The following CLEC10A variants were observed in gnomAD, a reference collection of about 807,000 sequenced individuals.
The protein encoded by CLEC10A is C-type lectin domain family 10 member A.
A neutral mutation model predicts 42.0 loss-of-function variants in CLEC10A; 38 were observed. That is an observed-to-expected ratio of 0.90 (90% CI 0.70 to 1.18). The LOEUF is 1.18. CLEC10A is among the 50% of genes most tolerant of loss of function. The pLI, the probability that CLEC10A is intolerant of heterozygous loss-of-function variation, is 0.00. For synonymous variants in CLEC10A, 126 were observed against 139.9 expected, an observed-to-expected ratio of 0.90 and a Z score of 0.70; for missense variants, 298 against 345.9, an observed-to-expected ratio of 0.86 and a Z score of 1.10.
At chr17:7,079,420 T>C (rs1486998012) in intron 1 of CLEC10A, among the ~76,000 whole-genome samples, 7 of 151,956 alleles carry the variant, frequency 4.6e-5, no homozygotes, top group Non-Finnish European at 8.8e-5. Context: ...CCATCTCTAC[T>C]AAAAATACAA....
At position 7,074,863 on chromosome 17, in the gene CLEC10A, G is replaced by T; in HGVS notation, c.*191C>A. 1 of 420,098 alleles carries T rather than the reference G, an allele frequency of 2.4e-6. No individual in the cohort carries two copies. The highest frequency in any genetic ancestry group is 4.1e-6 in the Non-Finnish European group (1 of 244,832). 26.0% of individuals were successfully genotyped at this position (420,098 alleles called of 1,614,324 possible). ...TTCATGAAGTTGACTTTCAAAAGTT[G>T]GAAAAAAAATAAAAGCTTAAGAACA... On this transcript the variant is annotated 3_prime_UTR_variant, in exon 9 of 9. Coordinates refer to ENST00000416562, the MANE Select transcript of CLEC10A (RefSeq NM_001330070.2).
chr17:7,077,062 T>A, intron 3 of CLEC10A, 75 bp from the exon 4 acceptor site: 6 of 1,049,142 alleles, frequency 5.7e-6, no homozygotes, highest in Non-Finnish European at 9.0e-6. Context: ...GGGCCCTCCA[T>A]AAGCATTGCC....
intron 3 of CLEC10A, 111 bp from the exon 4 acceptor site, chr17:7,077,098 T>C: frequency 2.7e-6 from 2 of 744,816 alleles, no homozygotes; most frequent in Admixed American, 2.0e-5. Context: ...GGCAACCCAG[T>C]GGGGCAGGCA....
chr17:7,078,632 C>T, intron 2 of CLEC10A, 114 bp downstream of exon 2: 1 of 996,206 alleles, frequency 1.0e-6, no homozygotes, highest in South Asian at 1.3e-5. Flanking sequence ...TGGGGCCTGA[C>T]CTCCTCAGAG....
At chr17:7,075,562 G>T (rs888826704) in intron 7 of CLEC10A, 96 bp from the exon 8 acceptor site, 5 of 1,406,208 alleles carry the variant, frequency 3.6e-6, no homozygotes, top group Non-Finnish European at 5.0e-6. Flanking sequence ...AATCAACTGA[G>T]GAGTTTGGAG....
At position 7,076,723 on chromosome 17, in the gene CLEC10A, G is replaced by A. The variant is rs370521835; in HGVS notation, c.352+10C>T. Reference sequence around the variant, plus strand: ...TAGCCCCCCACACCCATACTCGGAGGGTCTCTCACCTGCCTGCCGTTCCTG... The same window carrying A: ...TAGCCCCCCACACCCATACTCGGAGAGTCTCTCACCTGCCTGCCGTTCCTG... On this transcript the variant is annotated intron_variant, in intron 5 of 8. Coordinates refer to ENST00000416562, the MANE Select transcript of CLEC10A (RefSeq NM_001330070.2). 19 of 1,613,262 alleles carry A rather than the reference G, an allele frequency of 1.2e-5. No individual in the cohort carries two copies. The highest frequency in any genetic ancestry group is 6.7e-5 in the Admixed American group (4 of 59,918).
chr17:7,075,343 A>ATGTCCACAGAGTG lies in CLEC10A; in HGVS notation c.701+16_701+17insCACTCTGTGGACA. ...GCTGACGGAGGACATTGGCACAGAA[A>ATGTCCACAGAGTG]GCCAGGGTGCACTCACTGGAAGCCG... On this transcript the variant is annotated intron_variant, in intron 8 of 8. Transcript: ENST00000416562. 6.6e-7 allele frequency: 1 copy of ATGTCCACAGAGTG among 1,511,700 alleles called. No individual in the cohort carries two copies. The highest frequency in any genetic ancestry group is 2.3e-5 in the Admixed American group (1 of 42,798). The allele number at this position is 1,511,700 out of a possible 1,614,324, so 93.6% of individuals were successfully genotyped here. A position where few individuals can be genotyped will look rare whatever the true frequency, so the allele number is the denominator to read the frequency against.
Position 7,078,789 on chromosome 17 carries a change from GAAGTTTTC to G in CLEC10A, c.16_23del (p.Glu6ProfsTer6). ...CTTTCACCTTATTCTCCAAGTACTG[GAAGTTTTC>G]ATACGTCCTTGTCATGCTTGGGCCA... On this transcript the variant is annotated frameshift_variant, in exon 2 of 9. Coordinates refer to ENST00000416562, the MANE Select transcript of CLEC10A (RefSeq NM_001330070.2). LOFTEE classifies it high-confidence loss of function. The G allele has an allele frequency of 6.2e-7, 1 of 1,614,176 alleles. No individual in the cohort carries two copies. Among genetic ancestry groups the G allele is most frequent in the South Asian group, 1.1e-5 (1 of 91,082 alleles).
Position 7,075,755 on chromosome 17 carries a change from C to T in CLEC10A, c.570G>A (p.Val190=), listed in dbSNP as rs1431806287. Residue 190 remains valine, a synonymous_variant, in exon 7 of 9, where the codon GTG becomes GTA. Transcript: ENST00000416562. Reference sequence around the variant, plus strand: ...CCTGCTCCTCCCTGGAGTTGATGACCACCAGGTGGGCGTTCTTCAGCTGGC... The same window carrying T: ...CCTGCTCCTCCCTGGAGTTGATGACTACCAGGTGGGCGTTCTTCAGCTGGC... The part of the protein sequence containing the change: ...KYCQLKNAHL[V]VINSREEQNF... 19 of 1,614,074 alleles carry T rather than the reference C, an allele frequency of 1.2e-5. No individual in the cohort carries two copies. Among genetic ancestry groups the T allele is most frequent in the Non-Finnish European group, 1.6e-5 (19 of 1,180,052 alleles).
intron 2 of CLEC10A, 143 bp downstream of exon 2, chr17:7,078,603 C>T (rs1407292083): frequency 3.9e-6 from 3 of 772,896 alleles, no homozygotes; most frequent in Middle Eastern, 2.7e-4. Flanking sequence ...ATCCTCTTCA[C>T]ACTAGGCCCG....
intron 5 of CLEC10A, among the ~76,000 whole-genome samples, 188 bp downstream of exon 5, chr17:7,076,545 C>CTCG (rs1462718073): frequency 6.6e-6 from 1 of 151,938 alleles, no homozygotes; most frequent in East Asian, 1.9e-4. Flanking sequence ...AACTCCTGAC[C>CTCG]TCGTGATCCA....
chr17:7,078,647 G>A (rs1268977967), intron 2 of CLEC10A, 99 bp downstream of exon 2: 1 of 1,161,456 alleles, frequency 8.6e-7, no homozygotes, highest in Admixed American at 1.7e-5. Flanking sequence ...TCAGAGTTAG[G>A]ACCCACCAGT....
intron 5 of CLEC10A, 36 bp from the exon 6 acceptor site, chr17:7,076,107 C>T: frequency 6.2e-7 from 1 of 1,614,114 alleles, no homozygotes; most frequent in Non-Finnish European, 8.5e-7. Flanking sequence ...GGGACAGTGG[C>T]CTAGGTGTGC....
intron 3 of CLEC10A, among the ~76,000 whole-genome samples, chr17:7,077,285 C>CAT (rs1567745416): frequency 9.3e-6 from 1 of 108,016 alleles, no homozygotes; most frequent in African/African-American, 3.9e-5. Flanking sequence ...CAGTGCCCCC[C>CAT]CACCATTCCC....
chr17:7,079,711 A>G (rs1457756493), intron 1 of CLEC10A, among the ~76,000 whole-genome samples: 7 of 151,824 alleles, frequency 4.6e-5, no homozygotes, highest in African/African-American at 1.7e-4. Flanking sequence ...TTTTATTTTT[A>G]TTTATTTATT....
chr17:7,074,553 T>G lies in CLEC10A; in HGVS notation c.*501A>C. 1 of 152,420 alleles carries G rather than the reference T, an allele frequency of 6.6e-6. No individual in the cohort carries two copies. The highest frequency in any genetic ancestry group is 1.5e-5 in the Non-Finnish European group (1 of 68,130). The allele number at this position is 152,420 out of a possible 1,614,324, so 9.4% of individuals were successfully genotyped here. A position where few individuals can be genotyped will look rare whatever the true frequency, so the allele number is the denominator to read the frequency against. ...CAAAGTACGTAAGTTCTCACGAGAG[T>G]ATATATTCACTTATATGAAGTATAT... On this transcript the variant is annotated 3_prime_UTR_variant, in exon 9 of 9. Coordinates refer to ENST00000416562, the MANE Select transcript of CLEC10A (RefSeq NM_001330070.2).
chr17:7,075,786 T>G lies in CLEC10A; in HGVS notation c.539A>C (p.Lys180Thr), dbSNP rs1334082708. Reference sequence around the variant, plus strand: ...GTGGGCGTTCTTCAGCTGGCAGTACTTCTCAGCCTCGGCCCAGGACATCCC... The same window carrying G: ...GTGGGCGTTCTTCAGCTGGCAGTACGTCTCAGCCTCGGCCCAGGACATCCC... Reference protein sequence around the residue: ...HSGMSWAEAEKYCQLKNAHLV... With the variant: ...HSGMSWAEAETYCQLKNAHLV... The change falls in exon 7 of 9, where the codon AAG becomes ACG. Residue 180 changes from lysine to threonine, a missense_variant. By Grantham distance (78) the Lys-to-Thr change is moderately conservative. Around this residue, in one of 3 missense-constraint regions of CLEC10A, gnomAD observed 267 missense variants for 289.5 expected, o/e 0.92. Transcript: ENST00000416562. 1 of 1,614,084 alleles carries G rather than the reference T, an allele frequency of 6.2e-7. No homozygotes were observed. Among genetic ancestry groups the G allele is most frequent in the African/African-American group, 1.3e-5 (1 of 74,924 alleles).
At chr17:7,077,965 C>G in intron 3 of CLEC10A, 32 bp downstream of exon 3, 1 of 1,514,256 alleles carries the variant, frequency 6.6e-7, no homozygotes, top group South Asian at 1.1e-5. Flanking sequence ...CCCATTATTT[C>G]TCTCTTCCCT....
At chr17:7,078,671 G>T in intron 2 of CLEC10A, 75 bp downstream of exon 2, 1 of 1,440,328 alleles carries the variant, frequency 6.9e-7, no homozygotes, top group Non-Finnish European at 9.8e-7. Context: ...CGTGGTGGAG[G>T]TACAGAAATG....
Sources: allele counts gnomAD v4.1 joint callset (sites outside exome capture counted in the v4.1 genomes callset), GRCh38; gene constraint gnomAD v4.1.1; regional missense constraint gnomAD v4.1.1; transcripts MANE v1.5; gene names NCBI Gene and HGNC (gene_info 2026-07-23, HGNC 2026-07-21).